Variants in MKLN1 observed in about 807,000 individuals in gnomAD.
MKLN1 encodes the protein muskelin.
A neutral mutation model predicts 99.0 loss-of-function variants in MKLN1; 18 were observed. The ratio of observed to expected loss-of-function variants is 0.18; its 90% CI spans 0.13 to 0.27. The LOEUF (loss-of-function observed/expected upper bound fraction) is 0.27, where lower values mean the gene tolerates loss of function less well. MKLN1 is among the 10% of genes least tolerant of loss of function. The pLI is 1.00. For synonymous variants in MKLN1, 288 were observed against 293.2 expected, an observed-to-expected ratio of 0.98 and a Z score of 0.18; for missense variants, 621 against 875.9, an observed-to-expected ratio of 0.71 and a Z score of 3.67.
At chr7:131,211,713 G>A (rs1486652639) in intron 3 of MKLN1, among the ~76,000 whole-genome samples, 2 of 151,920 alleles carry the variant, frequency 1.3e-5, no homozygotes, top group African/African-American at 2.4e-5. Flanking sequence ...ACTTTGTGTA[G>A]TGCCAGACAC....
At chr7:131,203,469 C>T (rs956918362) in intron 3 of MKLN1, among the ~76,000 whole-genome samples, 7 of 152,170 alleles carry the variant, frequency 4.6e-5, no homozygotes, top group Non-Finnish European at 7.4e-5. Flanking sequence ...TTTTGTGCTG[C>T]GGTGACTTCT....
intron 2 of MKLN1, among the ~76,000 whole-genome samples, chr7:131,384,041 G>C (rs895623509): frequency 1.3e-5 from 2 of 152,162 alleles, no homozygotes; most frequent in Non-Finnish European, 2.9e-5. Flanking sequence ...TGCACAAACT[G>C]CATGATCTGG....
chr7:131,189,571 C>A (rs1170140756), intron 2 of MKLN1, among the ~76,000 whole-genome samples: 1 of 151,220 alleles, frequency 6.6e-6, no homozygotes, highest in South Asian at 2.1e-4. Flanking sequence ...ACCACCCAGA[C>A]AAACCCACCC....
chr7:131,441,800 G>A (rs566004673), intron 10 of MKLN1, among the ~76,000 whole-genome samples: 1 of 152,304 alleles, frequency 6.6e-6, no homozygotes, highest in East Asian at 1.9e-4. Context: ...AAGGTAGGGG[G>A]TTGGTAACAA....
At chr7:131,232,456 A>G (rs1267187116) in intron 3 of MKLN1, among the ~76,000 whole-genome samples, 1 of 152,222 alleles carries the variant, frequency 6.6e-6, no homozygotes, top group Non-Finnish European at 1.5e-5. Context: ...TAAACTGTTA[A>G]TATAACATTG....
At chr7:131,383,479 A>G (rs959953970) in intron 2 of MKLN1, among the ~76,000 whole-genome samples, 2 of 152,218 alleles carry the variant, frequency 1.3e-5, no homozygotes, top group East Asian at 3.8e-4. Context: ...ATACAACTAC[A>G]TGAATGAATC....
intron 2 of MKLN1, among the ~76,000 whole-genome samples, chr7:131,159,679 T>C (rs755206367): frequency 2.6e-4 from 39 of 152,256 alleles, no homozygotes; most frequent in Non-Finnish European, 4.6e-4. Flanking sequence ...TAAAGTTGAC[T>C]ATAATTTATT....
chr7:131,455,275 G>T lies in MKLN1; in HGVS notation c.1526-7942G>T, dbSNP rs545108039. ...CTTTTTTTTTATCCCCCCTCCCACA[G>T]GGTTTCTTTATGTTAAATATTCTGA... On this transcript the variant is annotated intron_variant, in intron 12 of 17. Transcript: ENST00000352689. Among the ~76,000 whole-genome samples, 3 of 152,130 alleles carry T rather than the reference G, an allele frequency of 2.0e-5. No homozygotes were observed. The South Asian group carries it at 6.2e-4, about 32-fold the overall frequency.
At chr7:131,143,182 T>A (rs1161873654) in intron 2 of MKLN1, among the ~76,000 whole-genome samples, 4 of 152,014 alleles carry the variant, frequency 2.6e-5, no homozygotes, top group African/African-American at 4.8e-5. Context: ...GTATTTAAAT[T>A]CTTTGGCTGG....
chr7:131,374,593 C>T lies in MKLN1; in HGVS notation c.99-831C>T, dbSNP rs142303824. On this transcript the variant is annotated intron_variant, in intron 1 of 17. Transcript: ENST00000352689. ...GTAACATAGGAATTAACCCATATTC[C>T]TTGTGAAAAACAACTTTACCAAATC... Among the ~76,000 whole-genome samples, 5 of 152,130 alleles carry T rather than the reference C, an allele frequency of 3.3e-5. No homozygotes were observed. The East Asian group carries it at 9.7e-4, about 29-fold the overall frequency.
chr7:131,462,499 TA>T (rs1182512290), intron 12 of MKLN1, among the ~76,000 whole-genome samples: 1 of 152,246 alleles, frequency 6.6e-6, no homozygotes, highest in African/African-American at 2.4e-5. Context: ...TCCCAGATAA[TA>T]AATCAGTTAA....
intron 17 of MKLN1, among the ~76,000 whole-genome samples, chr7:131,484,746 T>C (rs1280788400): frequency 6.6e-6 from 1 of 152,196 alleles, no homozygotes; most frequent in Non-Finnish European, 1.5e-5. Flanking sequence ...AGGTATAGTC[T>C]ACAAACAAAA....
chr7:131,400,518 A>AAAAAT (rs527702723), intron 6 of MKLN1, among the ~76,000 whole-genome samples: 18 of 137,436 alleles, frequency 1.3e-4, no homozygotes, highest in South Asian at 4.5e-4. Flanking sequence ...ATAAAAAAAA[A>AAAAAT]ATATATATAT....
At chr7:131,344,904 C>T (rs969981275) in intron 1 of MKLN1, among the ~76,000 whole-genome samples, 5 of 152,046 alleles carry the variant, frequency 3.3e-5, no homozygotes, top group Admixed American at 1.3e-4. Context: ...TGGGTTCAAG[C>T]GATTCTCCTG....
At chr7:131,391,851 A>G (rs1356744046) in intron 4 of MKLN1, among the ~76,000 whole-genome samples, 1 of 152,202 alleles carries the variant, frequency 6.6e-6, no homozygotes, top group Admixed American at 6.5e-5. Context: ...TTTCGTACTT[A>G]TATTTTTAAA....
intron 3 of MKLN1, among the ~76,000 whole-genome samples, chr7:131,235,538 C>T (rs886876069): frequency 6.6e-6 from 1 of 152,274 alleles, no homozygotes; most frequent in Middle Eastern, 3.4e-3. Flanking sequence ...CCATCACACT[C>T]TCTTCAGCCT....
At chr7:131,189,699 G>A (rs1050721990) in intron 2 of MKLN1, among the ~76,000 whole-genome samples, 1 of 152,312 alleles carries the variant, frequency 6.6e-6, no homozygotes, top group East Asian at 1.9e-4. Flanking sequence ...TACTTCTGTA[G>A]TAATAGCAGT....
upstream of MKLN1, chr7:131,324,334 A>T (rs902532974): frequency 6.6e-6 from 1 of 152,248 alleles, no homozygotes; most frequent in Admixed American, 6.5e-5. Context: ...GAGAGTTCAC[A>T]CTGGTACCAA....
intron 12 of MKLN1, among the ~76,000 whole-genome samples, chr7:131,461,254 C>CA (rs1796506371): frequency 2.0e-5 from 2 of 102,536 alleles, no homozygotes; most frequent in Admixed American, 8.8e-5. Context: ...TTTTTGTTTG[C>CA]GGTTTTTTTT....
Sources: gnomAD v4.1 joint callset for allele counts (sites outside exome capture counted in the v4.1 genomes callset) on GRCh38, gnomAD v4.1.1 for gene constraint, MANE v1.5 for transcripts, NCBI Gene and HGNC (gene_info 2026-07-23, HGNC 2026-07-21) for gene names.